Variants in BBOF1 observed in about 807,000 individuals in gnomAD.
BBOF1 encodes the protein basal body orientation factor 1.
Under a neutral mutation model 68.0 loss-of-function variants are expected in BBOF1, and 62 were observed. The observed-to-expected ratio is 0.91, with a 90% CI of 0.74 to 1.13. The LOEUF is 1.13. Among genes scored for constraint, BBOF1 ranks in the 50% most tolerant of loss-of-function variants. BBOF1 has a pLI of 0.00. For synonymous variants in BBOF1, 208 were observed against 198.8 expected (o/e 1.05, Z -0.39); for missense variants, 534 against 600.1 (o/e 0.89, Z 1.15).
chr14:74,070,253 T>G (rs140358454), downstream of BBOF1, among the ~76,000 whole-genome samples: 548 of 152,032 alleles, frequency 3.6e-3, 4 homozygotes, highest in African/African-American at 0.012. Context: ...GCACAGTGGC[T>G]CACACCTGTA....
intron 3 of BBOF1, among the ~76,000 whole-genome samples, chr14:74,032,809 A>AT (rs1295403741): frequency 1.3e-5 from 2 of 152,018 alleles, no homozygotes; most frequent in African/African-American, 4.8e-5. Context: ...CATTTCTCTT[A>AT]TTAGGAGCTA....
chr14:74,057,571 T>C (rs1199256357), intron 11 of BBOF1: 2 of 1,329,034 alleles, frequency 1.5e-6, no homozygotes, highest in Non-Finnish European at 2.0e-6. Flanking sequence ...TTGTGACTCT[T>C]AGCTTTCCAT....
intron 5 of BBOF1, among the ~76,000 whole-genome samples, chr14:74,044,780 C>A (rs554469814): frequency 1.2e-4 from 18 of 152,218 alleles, no homozygotes; most frequent in African/African-American, 4.3e-4. Context: ...CAAAAATTAG[C>A]TGGGCATGAT....
rs766388876 is a variant in BBOF1 at position 74,071,178 on chromosome 14, T to G, written n.1380-7018T>G. The G allele has an allele frequency of 1.9e-6, 3 of 1,607,898 alleles. No homozygotes were observed. Among genetic ancestry groups the G allele is most frequent in the Admixed American group, 1.7e-5 (1 of 59,990 alleles). On this transcript the variant is annotated intron_variant and non_coding_transcript_variant, in intron 9 of 12. Transcript: ENST00000492026. ...TTGGTAGCCAGATTAAGTAGCCATA[T>G]GCATAAGGGCAGTTACCTTCATGCT...
chr14:74,077,964 G>A (rs1219966832), intron 9 of BBOF1, among the ~76,000 whole-genome samples: 2 of 152,146 alleles, frequency 1.3e-5, no homozygotes, highest in African/African-American at 2.4e-5. Flanking sequence ...TGTAAATAAC[G>A]GCACGGTGAT....
intron 8 of BBOF1, 33 bp from the exon 9 acceptor site, chr14:74,055,551 C>T (rs1482248579): frequency 6.9e-7 from 1 of 1,449,608 alleles, no homozygotes; most frequent in Non-Finnish European, 9.6e-7. Context: ...CGTATTTTTC[C>T]TTTTCACATT....
chr14:74,043,644 A>C (rs1359385120), intron 5 of BBOF1, among the ~76,000 whole-genome samples: 1 of 148,824 alleles, frequency 6.7e-6, no homozygotes, highest in East Asian at 2.1e-4. Flanking sequence ...GGCTCACTGC[A>C]ACCTCTGCCT....
chr14:74,060,543 C>G (rs1477613635), intron 11 of BBOF1: 2 of 918,594 alleles, frequency 2.2e-6, no homozygotes, highest in East Asian at 2.4e-5. Context: ...CAATGTATTC[C>G]AATCCCATCG....
chr14:74,032,180 G>A (rs1238744405), intron 3 of BBOF1, among the ~76,000 whole-genome samples: 1 of 140,884 alleles, frequency 7.1e-6, no homozygotes, highest in Non-Finnish European at 1.5e-5. Context: ...AGGCTGGAGT[G>A]CAGTGGCACG....
chr14:74,063,184 ATTC>A (rs1036305522), intron 11 of BBOF1, among the ~76,000 whole-genome samples: 4 of 147,430 alleles, frequency 2.7e-5, no homozygotes, highest in East Asian at 2.0e-4. Context: ...AATAGTAATA[ATTC>A]TTCTTTTTTT....
intron 3 of BBOF1, among the ~76,000 whole-genome samples, chr14:74,029,551 G>A (rs1478946251): frequency 1.3e-5 from 2 of 152,008 alleles, no homozygotes; most frequent in Non-Finnish European, 1.5e-5. Flanking sequence ...GCATGGTGGT[G>A]CATGCTTATA....
At chr14:74,039,524 G>A (rs371433645) in intron 4 of BBOF1, among the ~76,000 whole-genome samples, 31 of 151,934 alleles carry the variant, frequency 2.0e-4, no homozygotes, top group African/African-American at 7.3e-4. Context: ...TGCCTCCTGG[G>A]TTCAAGCAAT....
At chr14:74,061,849 CTT>C (rs2060348567) in intron 11 of BBOF1, among the ~76,000 whole-genome samples, 1 of 152,084 alleles carries the variant, frequency 6.6e-6, no homozygotes, top group Non-Finnish European at 1.5e-5. Flanking sequence ...AGATCTAACA[CTT>C]ATATAATTAC....
At chr14:74,072,191 T>G (rs1211987149) in intron 9 of BBOF1, 5 of 1,614,206 alleles carry the variant, frequency 3.1e-6, no homozygotes, top group Non-Finnish European at 4.2e-6. Context: ...GCATACCATT[T>G]AGATTTCATA....
chr14:74,058,975 T>C (rs1183066923), intron 11 of BBOF1: 1 of 153,874 alleles, frequency 6.5e-6, no homozygotes, highest in Non-Finnish European at 1.4e-5. Context: ...TCCCAGCTAC[T>C]CAGGAGGCTG....
intron 1 of BBOF1, among the ~76,000 whole-genome samples, chr14:74,022,522 C>T (rs74635757): frequency 0.092 from 13,961 of 151,952 alleles, 810 homozygotes; most frequent in South Asian, 0.26. Flanking sequence ...CACTCCAGCC[C>T]GGTGACACAG....
chr14:74,078,169 G>A (rs769458440), intron 9 of BBOF1: 4 of 454,926 alleles, frequency 8.8e-6, no homozygotes, highest in Non-Finnish European at 1.8e-5. Flanking sequence ...GTACTTTCAG[G>A]AGCTGACTTT....
rs780515040 is a variant in BBOF1, at chr14:74,032,118, ATTTTTT to A, written c.352-1890_352-1885del. Among the ~76,000 whole-genome samples the A allele has an allele frequency of 1.0e-2, 992 of 99,664 alleles. 6 individuals are homozygous for A. Among genetic ancestry groups the A allele is most frequent in the African/African-American group, 0.039 (947 of 24,200 alleles). The allele number at this position is 99,664 out of a possible 152,430, so 65.4% of individuals were successfully genotyped here. On this transcript the variant is annotated intron_variant, in intron 3 of 11. Coordinates refer to ENST00000394009, the MANE Select transcript of BBOF1 (RefSeq NM_025057.3). ...CCAACAGAGTCTATTCTCAAAGTTG[ATTTTTT>A]TTTTTTTTTTTTTTTTTTTGAGACA...
In BBOF1 at chr14:74,019,540, G is replaced by T; in HGVS notation, c.56+6G>T. ...AGCAAAGGCAAAGACACGAAGTAAG[G>T]AGAAGCCACCCGAGAGTCCCCTCTC... is the stretch of plus-strand genomic sequence containing the variant. On this transcript the variant is annotated splice_donor_region_variant and intron_variant, in intron 1 of 11. Transcript: ENST00000394009. 6.3e-7 allele frequency: 1 copy of T among 1,593,358 alleles called. No individual in the cohort carries two copies.
Sources: allele counts gnomAD v4.1 joint callset (sites outside exome capture counted in the v4.1 genomes callset), GRCh38; gene constraint gnomAD v4.1.1; transcripts MANE v1.5; gene names NCBI Gene and HGNC (gene_info 2026-07-23, HGNC 2026-07-21).